Variants in FGFR2 observed in about 807,000 individuals in gnomAD.
The protein encoded by FGFR2 is fibroblast growth factor receptor 2.
In FGFR2, 19 loss-of-function variants were observed where a neutral mutation model predicts 95.9. That is an observed-to-expected ratio of 0.20 (90% CI 0.14 to 0.29). The LOEUF (loss-of-function observed/expected upper bound fraction) is 0.29, where lower values mean the gene tolerates loss of function less well. Among genes scored for constraint, FGFR2 ranks in the 10% least tolerant of loss-of-function variants. The probability of loss-of-function intolerance (pLI) is 1.00; values close to 1 mark genes in which losing one functional copy is unlikely to be tolerated. For missense variants in FGFR2, 707 were observed against 1,056.9 expected (o/e 0.67, Z 4.59); for synonymous variants, 392 against 393.3 (o/e 1.00, Z 0.04).
intron 9 of FGFR2, among the ~76,000 whole-genome samples, chr10:121,507,815 G>T (rs1485909560): frequency 6.6e-6 from 1 of 152,148 alleles, no homozygotes; most frequent in African/African-American, 2.4e-5. Context: ...AACTTGGAGC[G>T]TTTGGAGCCT....
Position 121,479,805 on chromosome 10 carries a change from T to C in FGFR2, c.*52A>G, listed in dbSNP as rs1820408688. 1 of 1,613,846 alleles carries C rather than the reference T, an allele frequency of 6.2e-7. No individual in the cohort carries two copies. Among genetic ancestry groups the C allele is most frequent in the South Asian group, 1.1e-5 (1 of 91,064 alleles). On this transcript the variant is annotated 3_prime_UTR_variant, in exon 18 of 18. Coordinates refer to ENST00000358487, the MANE Select transcript of FGFR2 (RefSeq NM_000141.5). ...TGGGAGGCATGGTCTCCCTGCTCAG[T>C]GTAGCTAGGTTCCCAGTGCTGTCCT...
At chr10:121,582,579 G>A (rs1229797821) in intron 2 of FGFR2, among the ~76,000 whole-genome samples, 4 of 152,078 alleles carry the variant, frequency 2.6e-5, no homozygotes, top group East Asian at 1.9e-4. Context: ...TGGATCACCC[G>A]AGGTCAAGAG....
chr10:121,572,981 T>C (rs1005268234), intron 2 of FGFR2, among the ~76,000 whole-genome samples: 38 of 152,264 alleles, frequency 2.5e-4, no homozygotes, highest in African/African-American at 8.0e-4. Context: ...GTGACTTCAC[T>C]GCACACATCC....
chr10:121,555,732 C>G (rs74160624), intron 4 of FGFR2, among the ~76,000 whole-genome samples: 1,963 of 152,254 alleles, frequency 0.013, 36 homozygotes, highest in African/African-American at 0.043. Context: ...CAATTAAATC[C>G]CATCACCAGC....
chr10:121,597,178 C>G (rs1863549910), intron 1 of FGFR2, among the ~76,000 whole-genome samples: 1 of 152,336 alleles, frequency 6.6e-6, no homozygotes, highest in South Asian at 2.1e-4. Flanking sequence ...GCGCCAGGTC[C>G]GTGGTCCGCG....
At chr10:121,585,685 A>G (rs1861715295) in intron 2 of FGFR2, among the ~76,000 whole-genome samples, 1 of 152,214 alleles carries the variant, frequency 6.6e-6, no homozygotes, top group Admixed American at 6.5e-5. Flanking sequence ...ATGCCATCCA[A>G]AATGATTTTA....
At chr10:121,481,217 C>T (rs1844630004) in intron 17 of FGFR2, among the ~76,000 whole-genome samples, 1 of 152,146 alleles carries the variant, frequency 6.6e-6, no homozygotes, top group African/African-American at 2.4e-5. Context: ...GTCTCTCTGC[C>T]TCCACTGGGC....
At chr10:121,513,941 C>G (rs1849367457) in intron 9 of FGFR2, among the ~76,000 whole-genome samples, 1 of 152,154 alleles carries the variant, frequency 6.6e-6, no homozygotes, top group Non-Finnish European at 1.5e-5. Context: ...GTTCCTAATC[C>G]TTCCTAATGC....
intron 11 of FGFR2, 114 bp downstream of exon 11, chr10:121,500,712 C>A: frequency 6.9e-7 from 1 of 1,443,552 alleles, no homozygotes; most frequent in South Asian, 1.2e-5. Flanking sequence ...ACCCCTAGGT[C>A]AACTATGTGC....
intron 13 of FGFR2, among the ~76,000 whole-genome samples, chr10:121,494,910 GAC>G (rs1846577119): frequency 6.6e-6 from 1 of 151,978 alleles, no homozygotes; most frequent in Admixed American, 6.6e-5. Context: ...ATATTCAAAG[GAC>G]ACTCACAAAT....
At chr10:121,590,063 C>T (rs570811984) in intron 2 of FGFR2, among the ~76,000 whole-genome samples, 3 of 151,976 alleles carry the variant, frequency 2.0e-5, no homozygotes, top group East Asian at 1.9e-4. Context: ...CTGTCCTCGA[C>T]GTTTCTGCTA....
intron 9 of FGFR2, among the ~76,000 whole-genome samples, chr10:121,512,821 C>G (rs1849228327): frequency 1.3e-5 from 2 of 152,162 alleles, no homozygotes; most frequent in Admixed American, 6.5e-5. Flanking sequence ...CTGATGTTCC[C>G]TCTGGTAACA....
intron 2 of FGFR2, among the ~76,000 whole-genome samples, chr10:121,590,989 G>GCGCGCA (rs1862551741): frequency 6.7e-6 from 1 of 148,736 alleles, no homozygotes. Flanking sequence ...GCGCACTCGC[G>GCGCGCA]CACACACACA....
intron 2 of FGFR2, among the ~76,000 whole-genome samples, chr10:121,586,273 T>G (rs1861822915): frequency 6.6e-6 from 1 of 152,190 alleles, no homozygotes; most frequent in African/African-American, 2.4e-5. Context: ...GCTACATAAA[T>G]CATACAAATA....
intron 12 of FGFR2, 86 bp downstream of exon 12, chr10:121,498,409 G>A: frequency 4.6e-6 from 4 of 877,752 alleles, no homozygotes; most frequent in Non-Finnish European, 7.8e-6. Context: ...TGCTCTGGGA[G>A]CAGGATCTGG....
intron 5 of FGFR2, among the ~76,000 whole-genome samples, chr10:121,544,443 TA>T (rs753310814): frequency 0.081 from 8,585 of 106,184 alleles, 775 homozygotes; most frequent in African/African-American, 0.25. Flanking sequence ...AACTCCGTCT[TA>T]AAAAAAAAAA....
At position 121,520,316 on chromosome 10, in the gene FGFR2, C is replaced by T. The variant is rs573570887; in HGVS notation, c.749-147G>A. The T allele has an allele frequency of 6.5e-6, 5 of 772,466 alleles. No individual in the cohort carries two copies. The South Asian group carries it at 1.0e-4, about 16-fold the overall frequency. The allele number at this position is 772,466 out of a possible 1,614,324, so 47.9% of individuals were successfully genotyped here. A position where few individuals can be genotyped will look rare whatever the true frequency, so the allele number is the denominator to read the frequency against. On this transcript the variant is annotated intron_variant, in intron 6 of 17. Coordinates refer to ENST00000358487, the MANE Select transcript of FGFR2 (RefSeq NM_000141.5). Reference sequence around the variant, plus strand: ...GACACCTTTGAAATAACACTGTGGCCCCATGAATAACAGAAACGACTTCAA... The same window carrying T: ...GACACCTTTGAAATAACACTGTGGCTCCATGAATAACAGAAACGACTTCAA...
chr10:121,578,115 C>T (rs773840248), intron 2 of FGFR2, among the ~76,000 whole-genome samples: 1 of 152,178 alleles, frequency 6.6e-6, no homozygotes, highest in Non-Finnish European at 1.5e-5. Context: ...ACCCATCACC[C>T]ATGGTGCGCC....
At chr10:121,512,605 G>A (rs1418868118) in intron 9 of FGFR2, among the ~76,000 whole-genome samples, 1 of 152,014 alleles carries the variant, frequency 6.6e-6, no homozygotes, top group Non-Finnish European at 1.5e-5. Context: ...GTGTTGGTCA[G>A]GCTGGTCTTG....
Sources: gnomAD v4.1 joint callset for allele counts (sites outside exome capture counted in the v4.1 genomes callset) on GRCh38, gnomAD v4.1.1 for gene constraint, MANE v1.5 for transcripts, NCBI Gene and HGNC (gene_info 2026-07-23, HGNC 2026-07-21) for gene names.